Variants in CDC42BPA observed in about 807,000 individuals in gnomAD.
The protein encoded by CDC42BPA is CDC42 binding protein kinase alpha, also known as serine/threonine-protein kinase MRCK alpha.
Under a neutral mutation model 223.5 loss-of-function variants are expected in CDC42BPA, and 80 were observed. The observed-to-expected ratio is 0.36, with a 90% CI of 0.30 to 0.43. The LOEUF (loss-of-function observed/expected upper bound fraction) is 0.43. Ranked by LOEUF, CDC42BPA falls within the 20% of genes least tolerant of loss-of-function variation. The pLI is 1.00. For synonymous variants in CDC42BPA, 694 were observed against 718.6 expected (o/e 0.97, Z 0.55); for missense variants, 1,743 against 2,099.9 (o/e 0.83, Z 3.32).
At chr1:227,059,291 C>T (rs1675282470) in intron 21 of CDC42BPA, 1 of 1,126,472 alleles carries the variant, frequency 8.9e-7, no homozygotes. Flanking sequence ...AAAACATTAA[C>T]AGGTTCCGCA....
chr1:227,114,301 A>C (rs1687432767), intron 12 of CDC42BPA, among the ~76,000 whole-genome samples: 1 of 152,096 alleles, frequency 6.6e-6, no homozygotes, highest in Non-Finnish European at 1.5e-5. Context: ...ACAGCAACAG[A>C]AACAGGGTAA....
intron 34 of CDC42BPA, among the ~76,000 whole-genome samples, chr1:227,013,167 A>C (rs1665539900): frequency 6.6e-6 from 1 of 152,160 alleles, no homozygotes; most frequent in East Asian, 1.9e-4. Context: ...AAAACATTAA[A>C]GCAATGAAAG....
intron 12 of CDC42BPA, among the ~76,000 whole-genome samples, chr1:227,113,753 C>T (rs1687310873): frequency 6.6e-6 from 1 of 151,698 alleles, no homozygotes; most frequent in African/African-American, 2.4e-5. Context: ...TTGCTCTCAT[C>T]TATAATCCCA....
intron 11 of CDC42BPA, among the ~76,000 whole-genome samples, chr1:227,125,143 T>C (rs1489090396): frequency 6.7e-6 from 1 of 150,356 alleles, no homozygotes; most frequent in Non-Finnish European, 1.5e-5. Flanking sequence ...AGGAAAGGGG[T>C]AGACCAGAAA....
intron 35 of CDC42BPA, among the ~76,000 whole-genome samples, chr1:227,001,232 T>C (rs1173951300): frequency 2.6e-5 from 4 of 152,198 alleles, no homozygotes; most frequent in Non-Finnish European, 4.4e-5. Context: ...TCTGGAAACA[T>C]TTTATATGAG....
intron 1 of CDC42BPA, among the ~76,000 whole-genome samples, chr1:227,297,981 C>CACACACACACAT (rs1412656758): frequency 7.2e-6 from 1 of 139,400 alleles, no homozygotes; most frequent in African/African-American, 2.8e-5. Flanking sequence ...CACACACACA[C>CACACACACACAT]ATATATACAT....
chr1:227,170,982 C>T (rs1666004749), intron 5 of CDC42BPA, among the ~76,000 whole-genome samples: 1 of 152,194 alleles, frequency 6.6e-6, no homozygotes, highest in Non-Finnish European at 1.5e-5. Flanking sequence ...AAAATAACAT[C>T]TGGCATTCAA....
chr1:227,142,619 G>A (rs573305023), intron 9 of CDC42BPA, among the ~76,000 whole-genome samples: 1 of 138,970 alleles, frequency 7.2e-6, no homozygotes, highest in South Asian at 2.3e-4. Flanking sequence ...TCCAAACTAT[G>A]TTAACTTTTT....
At chr1:227,040,377 T>C in intron 23 of CDC42BPA, 141 bp from the exon 24 acceptor site, 1 of 605,150 alleles carries the variant, frequency 1.7e-6, no homozygotes, top group South Asian at 2.2e-5. Context: ...TACATCTTCT[T>C]ATAGTTTATG....
chr1:227,138,552 A>G (rs1291467903), intron 10 of CDC42BPA, among the ~76,000 whole-genome samples: 1 of 140,840 alleles, frequency 7.1e-6, no homozygotes, highest in African/African-American at 2.6e-5. Flanking sequence ...GCGTTATCAG[A>G]AGGAATAAAA....
intron 4 of CDC42BPA, among the ~76,000 whole-genome samples, chr1:227,196,104 A>T (rs6426587): frequency 0.74 from 101,591 of 136,474 alleles, 34,640 homozygotes; most frequent in Middle Eastern, 0.77. Context: ...TTTTTTTTTT[A>T]AAAGAGCTCC....
intron 24 of CDC42BPA, among the ~76,000 whole-genome samples, chr1:227,038,430 T>A (rs11801443): frequency 0.15 from 23,506 of 152,188 alleles, 2,209 homozygotes; most frequent in African/African-American, 0.25. Context: ...GGATAACTCA[T>A]TTTAAGAAGG....
chr1:227,150,992 T>C (rs1459367899), intron 6 of CDC42BPA, among the ~76,000 whole-genome samples: 2 of 152,102 alleles, frequency 1.3e-5, no homozygotes, highest in Non-Finnish European at 2.9e-5. Flanking sequence ...TTATTTTTAA[T>C]GGTGGTAAAA....
intron 34 of CDC42BPA, among the ~76,000 whole-genome samples, chr1:227,007,894 T>A (rs184006171): frequency 6.6e-6 from 1 of 152,332 alleles, no homozygotes; most frequent in East Asian, 1.9e-4. Context: ...CATATTTTAC[T>A]AAACGTCCTC....
Position 227,081,293 on chromosome 1 carries a change from T to C in CDC42BPA, c.2356-276A>G, listed in dbSNP as rs79612414. 5.0e-3 allele frequency among the ~76,000 whole-genome samples: 762 copies of C among 151,702 alleles called. 5 individuals are homozygous for C. The highest frequency in any genetic ancestry group is 0.018 in the African/African-American group (729 of 41,422). On this transcript the variant is annotated intron_variant, in intron 16 of 36. Transcript: ENST00000366766. ...CTGTTGGTAATAGCTTTTTTTTTTC[T>C]CCAAAAATGTCTTTATGTCATTTTT... is the stretch of plus-strand genomic sequence containing the variant.
intron 2 of CDC42BPA, among the ~76,000 whole-genome samples, chr1:227,228,497 A>C (rs1433178239): frequency 6.6e-6 from 1 of 152,156 alleles, no homozygotes; most frequent in Non-Finnish European, 1.5e-5. Context: ...ATTCATATAC[A>C]AGTTTTTGTG....
At chr1:227,015,848 A>AAT (rs1666124240) in intron 34 of CDC42BPA, among the ~76,000 whole-genome samples, 1 of 152,226 alleles carries the variant, frequency 6.6e-6, no homozygotes, top group Non-Finnish European at 1.5e-5. Flanking sequence ...GAAATTCTCC[A>AAT]ATATGGAACT....
intron 1 of CDC42BPA, among the ~76,000 whole-genome samples, chr1:227,292,144 G>A (rs1023247035): frequency 2.0e-4 from 31 of 152,012 alleles, no homozygotes; most frequent in Admixed American, 1.2e-3. Flanking sequence ...CACCATGCCC[G>A]GCTTATTTTT....
At chr1:227,043,045 TAATAAATGACAAGTCAAA>T (rs1671711774) in intron 23 of CDC42BPA, among the ~76,000 whole-genome samples, 1 of 152,182 alleles carries the variant, frequency 6.6e-6, no homozygotes, top group East Asian at 1.9e-4. Flanking sequence ...CTTTTACCAC[TAATAAATGACAAGTCAAA>T]GAGTATCTCA....
Sources: allele counts gnomAD v4.1 joint callset (sites outside exome capture counted in the v4.1 genomes callset), GRCh38; gene constraint gnomAD v4.1.1; transcripts MANE v1.5; gene names NCBI Gene and HGNC (gene_info 2026-07-23, HGNC 2026-07-21).